The following HS6ST2 variants were observed in gnomAD, a reference collection of about 807,000 sequenced individuals.
The protein encoded by HS6ST2 is heparan sulfate 6-O-sulfotransferase 2, also known as heparan-sulfate 6-O-sulfotransferase 2.
A neutral mutation model predicts 33.0 loss-of-function variants in HS6ST2; 17 were observed. The ratio of observed to expected loss-of-function variants is 0.52; its 90% CI spans 0.35 to 0.77. The LOEUF (loss-of-function observed/expected upper bound fraction) is 0.77, where lower values mean the gene tolerates loss of function less well. Among genes scored for constraint, HS6ST2 ranks in the 30% least tolerant of loss-of-function variants. The probability of loss-of-function intolerance (pLI) is 0.01; values close to 1 mark genes in which losing one functional copy is unlikely to be tolerated. For missense variants in HS6ST2, 519 were observed against 551.7 expected (o/e 0.94, Z 0.59); for synonymous variants, 248 against 237.1 (o/e 1.05, Z -0.42).
intron 2 of HS6ST2, among the ~76,000 whole-genome samples, chrX:132,921,201 G>A (rs764040886): frequency 1.8e-5 from 2 of 112,207 alleles, no homozygotes; most frequent in Non-Finnish European, 3.8e-5. Context: ...GTAGAGACCA[G>A]GGTCTAGACC....
chrX:132,880,395 G>A (rs1260857153), intron 2 of HS6ST2, among the ~76,000 whole-genome samples: 1 of 109,235 alleles, frequency 9.2e-6, no homozygotes, highest in Admixed American at 9.8e-5. Flanking sequence ...AATTAGCTGG[G>A]CGTGGTGGCA....
intron 2 of HS6ST2, among the ~76,000 whole-genome samples, chrX:132,863,560 G>A (rs1393855559): frequency 9.3e-6 from 1 of 107,487 alleles, no homozygotes; most frequent in African/African-American, 3.4e-5. Context: ...CTTGCCTCAA[G>A]TGATCCTCCT....
chrX:132,631,088 A>G (rs1338793747), intron 4 of HS6ST2, among the ~76,000 whole-genome samples: 3 of 111,486 alleles, frequency 2.7e-5, no homozygotes, highest in Non-Finnish European at 5.6e-5. Flanking sequence ...AGCTTTGTAC[A>G]TTGGCCTTCA....
At chrX:132,864,036 C>A (rs2065941789) in intron 2 of HS6ST2, among the ~76,000 whole-genome samples, 1 of 111,102 alleles carries the variant, frequency 9.0e-6, no homozygotes, top group African/African-American at 3.3e-5. Flanking sequence ...AACTAACAAA[C>A]AGAAAAGAAT....
chrX:132,820,459 A>G (rs2065441138), intron 2 of HS6ST2, among the ~76,000 whole-genome samples: 1 of 111,512 alleles, frequency 9.0e-6, no homozygotes, highest in South Asian at 3.8e-4. Flanking sequence ...GAGATTTCTG[A>G]ACCCAGGAGC....
intron 4 of HS6ST2, among the ~76,000 whole-genome samples, chrX:132,652,971 G>A (rs773092866): frequency 4.5e-5 from 5 of 111,101 alleles, no homozygotes; most frequent in African/African-American, 1.6e-4. Flanking sequence ...ATTAGAAAAC[G>A]CCATCCTTTA....
chrX:132,813,017 A>T (rs1325368342), intron 2 of HS6ST2, among the ~76,000 whole-genome samples: 1 of 111,225 alleles, frequency 9.0e-6, no homozygotes, highest in Non-Finnish European at 1.9e-5. Flanking sequence ...GTTATTCAGG[A>T]TCTGTTTGTC....
chrX:132,879,789 T>C (rs962796342), intron 2 of HS6ST2, among the ~76,000 whole-genome samples: 4 of 112,077 alleles, frequency 3.6e-5, no homozygotes, highest in African/African-American at 1.3e-4. Context: ...TCATTCCCTA[T>C]GCTGTAGCAG....
At chrX:132,827,491 A>G (rs1347719902) in intron 2 of HS6ST2, among the ~76,000 whole-genome samples, 1 of 110,714 alleles carries the variant, frequency 9.0e-6, no homozygotes, top group Non-Finnish European at 1.9e-5. Context: ...GAATGTGTCA[A>G]CAGTGGGAAA....
At chrX:132,789,212 G>A (rs766377376) in intron 2 of HS6ST2, among the ~76,000 whole-genome samples, 2 of 111,851 alleles carry the variant, frequency 1.8e-5, no homozygotes, top group East Asian at 5.7e-4. Context: ...AGGAGCTAAT[G>A]TAGCTGATGA....
intron 2 of HS6ST2, among the ~76,000 whole-genome samples, chrX:132,746,278 G>A (rs755539567): frequency 1.8e-4 from 20 of 111,203 alleles, no homozygotes; most frequent in South Asian, 7.6e-4. Context: ...TGAGGCAGGC[G>A]GATCATGAGG....
At position 132,724,278 on chromosome X, in the gene HS6ST2, A is replaced by G. The variant is rs182605190; in HGVS notation, c.948-15784T>C. On this transcript the variant is annotated intron_variant, in intron 2 of 4. Coordinates refer to ENST00000370833, the MANE Select transcript of HS6ST2 (RefSeq NM_001394073.1). Reference sequence around the variant, plus strand: ...GTAAAACCTAAAGACTCCACCAAAAAACTATTAGAACTGGTAAACAAATTC... The same window carrying G: ...GTAAAACCTAAAGACTCCACCAAAAGACTATTAGAACTGGTAAACAAATTC... 1.2e-4 allele frequency among the ~76,000 whole-genome samples: 13 copies of G among 112,788 alleles called. No individual in the cohort carries two copies. The East Asian group carries it at 2.8e-3, about 24-fold the overall frequency.
At chrX:132,803,902 G>A (rs1436167268) in intron 2 of HS6ST2, among the ~76,000 whole-genome samples, 1 of 111,495 alleles carries the variant, frequency 9.0e-6, no homozygotes, top group Non-Finnish European at 1.9e-5. Context: ...AACATAGGAA[G>A]GACTAAAAGG....
intron 2 of HS6ST2, among the ~76,000 whole-genome samples, chrX:132,813,016 G>A (rs1368840926): frequency 9.0e-6 from 1 of 110,703 alleles, no homozygotes; most frequent in Non-Finnish European, 1.9e-5. Flanking sequence ...AGTTATTCAG[G>A]ATCTGTTTGT....
intron 2 of HS6ST2, among the ~76,000 whole-genome samples, chrX:132,891,061 C>T (rs2066304990): frequency 9.1e-6 from 1 of 110,086 alleles, no homozygotes; most frequent in Admixed American, 9.8e-5. Context: ...AAGGAGTGCA[C>T]CTTTCTCCTG....
intron 2 of HS6ST2, among the ~76,000 whole-genome samples, chrX:132,855,404 T>C (rs1476181572): frequency 8.9e-6 from 1 of 112,409 alleles, no homozygotes; most frequent in Non-Finnish European, 1.9e-5. Context: ...AAAGACCAGA[T>C]TTTAAGTTTC....
At chrX:132,886,763 T>C (rs969032111) in intron 2 of HS6ST2, among the ~76,000 whole-genome samples, 2 of 111,375 alleles carry the variant, frequency 1.8e-5, no homozygotes, top group African/African-American at 3.3e-5. Flanking sequence ...AAGCCTCTTA[T>C]GTACAGTAGA....
intron 2 of HS6ST2, among the ~76,000 whole-genome samples, chrX:132,897,837 A>G (rs1460729711): frequency 9.0e-6 from 1 of 111,681 alleles, no homozygotes; most frequent in Non-Finnish European, 1.9e-5. Flanking sequence ...GCATACTCTC[A>G]GAAAAGTCAC....
intron 3 of HS6ST2, among the ~76,000 whole-genome samples, chrX:132,695,193 C>T (rs1334294852): frequency 2.7e-5 from 3 of 111,722 alleles, no homozygotes; most frequent in Non-Finnish European, 5.6e-5. Context: ...GCTTCTTCAT[C>T]CTCACACATC....
Sources: gnomAD v4.1 joint callset for allele counts (sites outside exome capture counted in the v4.1 genomes callset) on GRCh38, gnomAD v4.1.1 for gene constraint, MANE v1.5 for transcripts, NCBI Gene and HGNC (gene_info 2026-07-23, HGNC 2026-07-21) for gene names.